The following MDGA2 variants were observed in gnomAD, a reference collection of about 807,000 sequenced individuals.
The protein encoded by MDGA2 is MAM domain-containing glycosylphosphatidylinositol anchor protein 2.
Under a neutral mutation model 117.8 loss-of-function variants are expected in MDGA2, and 40 were observed. The observed-to-expected ratio is 0.34, with a 90% CI of 0.26 to 0.44. MDGA2 has a LOEUF of 0.44. Ranked by LOEUF, MDGA2 falls within the 20% of genes least tolerant of loss-of-function variation. The probability of loss-of-function intolerance (pLI) is 1.00; values close to 1 mark genes in which losing one functional copy is unlikely to be tolerated. For missense variants in MDGA2, 1,123 were observed against 1,250.6 expected, an observed-to-expected ratio of 0.90 and a Z score of 1.54; for synonymous variants, 452 against 439.0, an observed-to-expected ratio of 1.03 and a Z score of -0.37.
At chr14:47,129,069 C>T (rs147352799) in intron 5 of MDGA2, among the ~76,000 whole-genome samples, 61 of 151,338 alleles carry the variant, frequency 4.0e-4, no homozygotes, top group South Asian at 2.1e-3. Context: ...TTTAACTATA[C>T]GAAATAGAGC....
intron 1 of MDGA2, among the ~76,000 whole-genome samples, chr14:47,551,425 T>C (rs1000598561): frequency 1.3e-5 from 2 of 152,168 alleles, no homozygotes; most frequent in Non-Finnish European, 2.9e-5. Flanking sequence ...AGGCTAAATA[T>C]CATGATGTTC....
intron 2 of MDGA2, among the ~76,000 whole-genome samples, chr14:47,261,434 T>C (rs1887792270): frequency 6.6e-6 from 1 of 152,128 alleles, no homozygotes; most frequent in Non-Finnish European, 1.5e-5. Flanking sequence ...AATAAGTAAG[T>C]AAGGATCAAG....
chr14:47,160,702 A>G (rs10134495), intron 3 of MDGA2, among the ~76,000 whole-genome samples: 99 of 152,316 alleles, frequency 6.5e-4, no homozygotes, highest in Non-Finnish European at 1.2e-3. Flanking sequence ...ACACACAGAC[A>G]AACATAAAAC....
intron 1 of MDGA2, among the ~76,000 whole-genome samples, chr14:47,485,990 G>C (rs1894052715): frequency 6.6e-6 from 1 of 152,194 alleles, no homozygotes; most frequent in Admixed American, 6.5e-5. Context: ...CCCCCACACA[G>C]AGTCCCTAGT....
At chr14:47,322,704 C>T (rs1443416822) in intron 1 of MDGA2, among the ~76,000 whole-genome samples, 3 of 152,112 alleles carry the variant, frequency 2.0e-5, no homozygotes, top group Non-Finnish European at 4.4e-5. Flanking sequence ...ATTCTCAGTT[C>T]GGGTTCAGAC....
At chr14:47,339,728 G>A (rs1236828055) in intron 1 of MDGA2, among the ~76,000 whole-genome samples, 3 of 152,214 alleles carry the variant, frequency 2.0e-5, no homozygotes, top group Non-Finnish European at 4.4e-5. Context: ...TACAGCTTGC[G>A]GAACAATGAG....
At chr14:47,269,593 A>G (rs571479559) in intron 2 of MDGA2, among the ~76,000 whole-genome samples, 1 of 152,328 alleles carries the variant, frequency 6.6e-6, no homozygotes, top group African/African-American at 2.4e-5. Context: ...TGCAAACTAT[A>G]GAACATAAAT....
chr14:47,565,861 T>C (rs1437337294), intron 1 of MDGA2, among the ~76,000 whole-genome samples: 1 of 152,152 alleles, frequency 6.6e-6, no homozygotes, highest in Non-Finnish European at 1.5e-5. Flanking sequence ...CCAGCAGCTG[T>C]GACAATGTGG....
chr14:47,234,305 G>C (rs1886788894), intron 2 of MDGA2, among the ~76,000 whole-genome samples: 1 of 151,200 alleles, frequency 6.6e-6, no homozygotes, highest in East Asian at 1.9e-4. Flanking sequence ...AAGTCATCTA[G>C]CATAATAACA....
rs373947103 is a variant in MDGA2 at position 46,876,999 on chromosome 14, G to T, written c.2437+490C>A. 3.6e-4 allele frequency among the ~76,000 whole-genome samples: 54 copies of T among 151,514 alleles called. 3 individuals carry two copies. The South Asian group carries it at 7.7e-3, about 22-fold the overall frequency. On this transcript the variant is annotated intron_variant, in intron 12 of 16. Transcript: ENST00000399232. Reference sequence around the variant, plus strand: ...AGTCCCCAAATTTAACAATTTTATAGAATTCATAACCTAAATTAGACCAAA... The same window carrying T: ...AGTCCCCAAATTTAACAATTTTATATAATTCATAACCTAAATTAGACCAAA...
chr14:47,482,465 C>A (rs897146653), intron 1 of MDGA2, among the ~76,000 whole-genome samples: 1 of 152,074 alleles, frequency 6.6e-6, no homozygotes, highest in East Asian at 1.9e-4. Context: ...CACATAACCT[C>A]TGTCTTTCAC....
At chr14:47,259,818 G>C (rs1355326385) in intron 2 of MDGA2, among the ~76,000 whole-genome samples, 1 of 152,100 alleles carries the variant, frequency 6.6e-6, no homozygotes, top group Non-Finnish European at 1.5e-5. Context: ...GGCTGAGCAG[G>C]ATGTTGCACA....
chr14:47,402,348 C>T (rs1199027085), intron 1 of MDGA2, among the ~76,000 whole-genome samples: 3 of 121,668 alleles, frequency 2.5e-5, no homozygotes, highest in African/African-American at 6.2e-5. Context: ...CCCCCCACCC[C>T]GCAAAAAAAA....
At chr14:46,909,120 G>T (rs188278011) in intron 10 of MDGA2, among the ~76,000 whole-genome samples, 7 of 152,218 alleles carry the variant, frequency 4.6e-5, no homozygotes, top group Admixed American at 4.6e-4. Context: ...GATATTTTCT[G>T]TCTGGTGCAC....
chr14:47,159,070 AT>A (rs1883526187), intron 3 of MDGA2, among the ~76,000 whole-genome samples: 1 of 152,180 alleles, frequency 6.6e-6, no homozygotes, highest in South Asian at 2.1e-4. Flanking sequence ...AGCACAGAGG[AT>A]TTTTAGGGCA....
chr14:47,606,829 G>C (rs971770173), intron 1 of MDGA2, among the ~76,000 whole-genome samples: 1 of 152,092 alleles, frequency 6.6e-6, no homozygotes, highest in Non-Finnish European at 1.5e-5. Flanking sequence ...AGAGAATTTT[G>C]TAAAATAATT....
chr14:47,408,077 G>GTT, intron 1 of MDGA2, among the ~76,000 whole-genome samples: 1 of 24,674 alleles, frequency 4.1e-5, no homozygotes, highest in Middle Eastern at 0.028. Flanking sequence ...TTTTTTTTTT[G>GTT]GTGGCATCTT....
chr14:47,540,563 T>TATATATATATATATACACACAC (rs370481455), intron 1 of MDGA2, among the ~76,000 whole-genome samples: 7 of 112,524 alleles, frequency 6.2e-5, no homozygotes, highest in African/African-American at 1.8e-4. Flanking sequence ...TGTATATATA[T>TATATATATATATATACACACAC]ACACACACAC....
At chr14:46,860,390 C>A (rs1361360568) in intron 14 of MDGA2, among the ~76,000 whole-genome samples, 1 of 151,912 alleles carries the variant, frequency 6.6e-6, no homozygotes, top group Admixed American at 6.6e-5. Context: ...TTGAACTAAT[C>A]GTATATTACA....
Sources: allele counts gnomAD v4.1 joint callset (sites outside exome capture counted in the v4.1 genomes callset), GRCh38; gene constraint gnomAD v4.1.1; transcripts MANE v1.5; gene names NCBI Gene and HGNC (gene_info 2026-07-23, HGNC 2026-07-21).